Variants in GTF2A2 observed in about 807,000 individuals in gnomAD.
GTF2A2 encodes transcription initiation factor IIA subunit 2.
In GTF2A2, 9 loss-of-function variants were observed where a neutral mutation model predicts 14.3. The ratio of observed to expected loss-of-function variants is 0.63; its 90% CI spans 0.38 to 1.10. The LOEUF is 1.10. Among genes scored for constraint, GTF2A2 ranks in the 50% least tolerant of loss-of-function variants. The probability of loss-of-function intolerance (pLI) is 0.01; values close to 1 mark genes in which losing one functional copy is unlikely to be tolerated. For synonymous variants in GTF2A2, 56 were observed against 46.0 expected, an observed-to-expected ratio of 1.22 and a Z score of -0.88; for missense variants, 90 against 124.6, an observed-to-expected ratio of 0.72 and a Z score of 1.32.
At position 59,638,413 on chromosome 15, in the gene GTF2A2, T is replaced by TTTATTGTAAGTCTAA. The variant is rs1378344703; in HGVS notation, c.*704_*718dup. The TTTATTGTAAGTCTAA allele has an allele frequency of 2.0e-5, 3 of 150,362 alleles. No homozygotes were observed. Among genetic ancestry groups the TTTATTGTAAGTCTAA allele is most frequent in the African/African-American group, 7.3e-5 (3 of 41,302 alleles). 9.3% of individuals were successfully genotyped at this position (150,362 alleles called of 1,614,324 possible). Reference sequence around the variant, plus strand: ...TGACATAAAAGTCTAATAATTAGACTTTATTGTAAGTCTAATGTATCTTGT... The same window carrying TTTATTGTAAGTCTAA: ...TGACATAAAAGTCTAATAATTAGACTTTATTGTAAGTCTAATTATTGTAAGTCTAATGTATCTTGT... On this transcript the variant is annotated 3_prime_UTR_variant, in exon 5 of 5. Transcript: ENST00000396060.
chr15:59,642,091 A>C, intron 4 of GTF2A2, 45 bp downstream of exon 4: 1 of 1,548,566 alleles, frequency 6.5e-7, no homozygotes, highest in Non-Finnish European at 8.7e-7. Context: ...GGCTCATAAA[A>C]ACAAGGTTTC....
intron 2 of GTF2A2, chr15:59,651,944 A>T (rs1891806026): frequency 3.4e-6 from 1 of 298,270 alleles, no homozygotes; most frequent in African/African-American, 2.2e-5. Flanking sequence ...TTGTCCTCCT[A>T]AAGTGCTGGG....
At chr15:59,653,247 C>T (rs868318520) in intron 1 of GTF2A2, among the ~76,000 whole-genome samples, 1 of 152,150 alleles carries the variant, frequency 6.6e-6, no homozygotes, top group African/African-American at 2.4e-5. Flanking sequence ...GGCAGCAGTA[C>T]ACAGTCAATA....
chr15:59,640,713 TAAAAA>T (rs1891388334), intron 4 of GTF2A2, among the ~76,000 whole-genome samples: 1 of 151,988 alleles, frequency 6.6e-6, no homozygotes, highest in African/African-American at 2.4e-5. Flanking sequence ...TACAGACTAA[TAAAAA>T]TAAATATAAC....
At chr15:59,653,682 T>C (rs1595674564) in intron 1 of GTF2A2, among the ~76,000 whole-genome samples, 1 of 152,146 alleles carries the variant, frequency 6.6e-6, no homozygotes, top group Non-Finnish European at 1.5e-5. Context: ...ACTCTCAAAT[T>C]TGTATCTCCA....
chr15:59,640,441 A>T (rs927916392), intron 4 of GTF2A2, among the ~76,000 whole-genome samples: 5 of 152,140 alleles, frequency 3.3e-5, no homozygotes, highest in Non-Finnish European at 7.3e-5. Flanking sequence ...TGAAACTGAC[A>T]CTCTACTAGT....
intron 3 of GTF2A2, among the ~76,000 whole-genome samples, chr15:59,647,502 A>G (rs573206796): frequency 3.7e-4 from 57 of 152,270 alleles, no homozygotes; most frequent in Non-Finnish European, 6.0e-4. Flanking sequence ...ACACTTAATC[A>G]TTTGGCCAAA....
At chr15:59,645,716 T>C (rs1251768421) in intron 3 of GTF2A2, among the ~76,000 whole-genome samples, 1 of 152,114 alleles carries the variant, frequency 6.6e-6, no homozygotes. Context: ...ATCCTGAAGT[T>C]GTGTGTAATC....
intron 4 of GTF2A2, among the ~76,000 whole-genome samples, chr15:59,641,181 CTTTT>C (rs374075324): frequency 0.023 from 3,290 of 141,268 alleles, 108 homozygotes; most frequent in African/African-American, 0.073. Context: ...CAGCAAGACT[CTTTT>C]TTTTTTTTTT....
chr15:59,654,202 G>A (rs1891875881), intron 1 of GTF2A2, among the ~76,000 whole-genome samples: 1 of 152,148 alleles, frequency 6.6e-6, no homozygotes, highest in Admixed American at 6.5e-5. Flanking sequence ...CCATGGCTTG[G>A]AAGGCCTATG....
chr15:59,642,097 G>A, intron 4 of GTF2A2, 39 bp downstream of exon 4: 1 of 1,560,122 alleles, frequency 6.4e-7, no homozygotes, highest in Non-Finnish European at 8.7e-7. Context: ...TAAAAACAAG[G>A]TTTCAAGTAG....
rs748766489 is a variant in GTF2A2 at position 59,642,297 on chromosome 15, GT to G, written c.178-36del. The G allele has an allele frequency of 6.5e-6, 10 of 1,544,254 alleles. No individual in the cohort carries two copies. In the African/African-American group the frequency reaches 9.7e-5, roughly 15 times the overall value. On this transcript the variant is annotated intron_variant, in intron 3 of 4. Transcript: ENST00000396060. ...AAAACATTTAGAAATACCGTGAAAC[GT>G]TTTTTCCCCTCACATTTTTCTCCAA... is the stretch of plus-strand genomic sequence containing the variant.
At position 59,639,410 on chromosome 15, in the gene GTF2A2, G is replaced by C. The variant is rs115413749; in HGVS notation, c.305-253C>G. Among the ~76,000 whole-genome samples the C allele has an allele frequency of 7.6e-3, 1,151 of 151,604 alleles. 19 individuals carry two copies. Among genetic ancestry groups the C allele is most frequent in the African/African-American group, 0.027 (1,106 of 41,358 alleles). On this transcript the variant is annotated intron_variant, in intron 4 of 4. Coordinates refer to ENST00000396060, the MANE Select transcript of GTF2A2 (RefSeq NM_004492.3). ...AGTAAAACTAAGTTGAACTACATTT[G>C]GTTCACATAATTGTTACATAACCTT...
chr15:59,638,862 T>G lies in GTF2A2; in HGVS notation c.*270A>C, dbSNP rs1401732129. 8.2e-6 allele frequency: 3 copies of G among 364,116 alleles called. No homozygotes were observed. The highest frequency in any genetic ancestry group is 1.5e-5 in the Non-Finnish European group (3 of 200,402). The allele number at this position is 364,116 out of a possible 1,614,324, so 22.6% of individuals were successfully genotyped here. On this transcript the variant is annotated 3_prime_UTR_variant, in exon 5 of 5. Coordinates refer to ENST00000396060, the MANE Select transcript of GTF2A2 (RefSeq NM_004492.3). ...GCTACCTTAATAGCTTCACCAGTTA[T>G]TACTCAGAGTTTTAAAATGAGTTTA...
chr15:59,641,674 CAT>C (rs1182509496), intron 4 of GTF2A2, among the ~76,000 whole-genome samples: 1 of 152,190 alleles, frequency 6.6e-6, no homozygotes, highest in East Asian at 1.9e-4. Context: ...TTCACTTGCA[CAT>C]GTCATATTTA....
In GTF2A2 at chr15:59,644,726, T is replaced by C. The variant is rs570599322; in HGVS notation, c.178-2464A>G. Among the ~76,000 whole-genome samples the C allele has an allele frequency of 4.6e-5, 7 of 152,120 alleles. No individual in the cohort carries two copies. The East Asian group carries it at 1.4e-3, about 29-fold the overall frequency. On this transcript the variant is annotated intron_variant, in intron 3 of 4. Coordinates refer to ENST00000396060, the MANE Select transcript of GTF2A2 (RefSeq NM_004492.3). ...GTCCTAAAGAATAAGTAAGAGTCAATGGAGAGGAGGGATAATGGAAAGGAA... is the reference window on the plus strand; with the variant it reads ...GTCCTAAAGAATAAGTAAGAGTCAACGGAGAGGAGGGATAATGGAAAGGAA...
At chr15:59,645,009 T>C (rs951482329) in intron 3 of GTF2A2, among the ~76,000 whole-genome samples, 1 of 152,096 alleles carries the variant, frequency 6.6e-6, no homozygotes, top group Non-Finnish European at 1.5e-5. Context: ...GAGGTGAAAG[T>C]GGCTTTACTA....
At chr15:59,643,231 C>CACCACGCCTAGCTAACTTTT (rs1469586094) in intron 3 of GTF2A2, among the ~76,000 whole-genome samples, 1 of 151,800 alleles carries the variant, frequency 6.6e-6, no homozygotes, top group Non-Finnish European at 1.5e-5. Context: ...AGGTGTATGC[C>CACCACGCCTAGCTAACTTTT]ACCACGCCTA....
chr15:59,647,109 T>C (rs1311955786), intron 3 of GTF2A2, among the ~76,000 whole-genome samples: 1 of 152,118 alleles, frequency 6.6e-6, no homozygotes, highest in Non-Finnish European at 1.5e-5. Context: ...TATAGTTTTT[T>C]TGAAGCAGGG....
Sources: allele counts gnomAD v4.1 joint callset (sites outside exome capture counted in the v4.1 genomes callset), GRCh38; gene constraint gnomAD v4.1.1; transcripts MANE v1.5; gene names NCBI Gene and HGNC (gene_info 2026-07-23, HGNC 2026-07-21).